Variants in TMEM47 observed in about 807,000 individuals in gnomAD.
TMEM47 encodes the protein transmembrane protein 47, also known as brain cell membrane protein 1.
Under a neutral mutation model 12.4 loss-of-function variants are expected in TMEM47, and 3 were observed. The ratio of observed to expected loss-of-function variants is 0.24; its 90% confidence interval spans 0.11 to 0.63. TMEM47 has a LOEUF of 0.63. Among genes scored for constraint, TMEM47 ranks in the 20% least tolerant of loss-of-function variants. The pLI is 0.86. For synonymous variants in TMEM47, 62 were observed against 63.3 expected (o/e 0.98, Z 0.10); for missense variants, 89 against 143.8 (o/e 0.62, Z 1.95).
rs965169843 is a variant in TMEM47 at position 34,657,082 on chromosome X, C to A, written c.-53G>T. ...CCGCAGGCGAGGACGCCAGGCGGGT[C>A]CGGAGAGCCGGGAGCCGGACCTCCC... On this transcript the variant is annotated 5_prime_UTR_variant, in exon 1 of 3. Transcript: ENST00000275954. 1.8e-6 allele frequency: 2 copies of A among 1,089,026 alleles called. No individual in the cohort carries two copies. Among genetic ancestry groups the A allele is most frequent in the African/African-American group, 3.8e-5 (2 of 52,476 alleles). 89.7% of individuals were successfully genotyped at this position (1,089,026 alleles called of 1,213,427 possible). A position where few individuals can be genotyped will look rare whatever the true frequency, so the allele number is the denominator to read the frequency against.
At chrX:34,649,794 C>T (rs1194780166) in intron 1 of TMEM47, among the ~76,000 whole-genome samples, 2 of 111,942 alleles carry the variant, frequency 1.8e-5, no homozygotes, top group Admixed American at 9.4e-5. Context: ...GGCACGATCT[C>T]GGCTCACTGC....
In TMEM47 at chrX:34,627,569, TTA is replaced by T. The variant is rs1258644490; in HGVS notation, c.*2742_*2743del. On this transcript the variant is annotated 3_prime_UTR_variant, in exon 3 of 3. Transcript: ENST00000275954. Reference sequence around the variant, plus strand: ...TTCAAACACATAAGTCTCTCTATATTTATGTCTTTAAAATTTACATGTTGAAC... The same window carrying T: ...TTCAAACACATAAGTCTCTCTATATTTGTCTTTAAAATTTACATGTTGAAC... The T allele has an allele frequency of 3.6e-5, 4 of 112,290 alleles. No individual in the cohort carries two copies. The highest frequency in any genetic ancestry group is 5.6e-5 in the Non-Finnish European group (3 of 53,141). 9.3% of individuals were successfully genotyped at this position (112,290 alleles called of 1,213,427 possible).
At chrX:34,656,656 G>A in intron 1 of TMEM47, 148 bp downstream of exon 1, 6 of 1,037,816 alleles carry the variant, frequency 5.8e-6, no homozygotes, top group Non-Finnish European at 6.3e-6. Context: ...GGTGGCGGGA[G>A]CCCCAGGATC....
At chrX:34,647,701 A>C (rs1402986782) in intron 1 of TMEM47, among the ~76,000 whole-genome samples, 1 of 112,189 alleles carries the variant, frequency 8.9e-6, no homozygotes, top group African/African-American at 3.2e-5. Context: ...TTGAAATGTC[A>C]GTGCCTTTAA....
At chrX:34,647,494 C>G (rs72626895) in intron 1 of TMEM47, among the ~76,000 whole-genome samples, 5,064 of 111,301 alleles carry the variant, frequency 0.045, 247 homozygotes, top group African/African-American at 0.15. Flanking sequence ...TTTTTTCTCA[C>G]TTCTTTGGAA....
intron 2 of TMEM47, among the ~76,000 whole-genome samples, chrX:34,633,979 G>A (rs1251272947): frequency 9.0e-6 from 1 of 111,043 alleles, no homozygotes; most frequent in East Asian, 2.8e-4. Context: ...ATATAATTCT[G>A]CATTTGTAAA....
chrX:34,657,271 C>G lies in TMEM47; in HGVS notation c.-242G>C, dbSNP rs1163920781. The G allele has an allele frequency of 5.9e-5, 17 of 286,551 alleles. No individual in the cohort carries two copies. Among genetic ancestry groups the G allele is most frequent in the Admixed American group, 5.3e-4 (7 of 13,097 alleles). The allele number at this position is 286,551 out of a possible 1,213,427, so 23.6% of individuals were successfully genotyped here. A position where few individuals can be genotyped will look rare whatever the true frequency, so the allele number is the denominator to read the frequency against. ...TCCACCCCGGACCTTCGCCGCCGGC[C>G]CCGCGCCGCGCTCTGCCAGCGCCCG... On this transcript the variant is annotated 5_prime_UTR_variant, in exon 1 of 3. Coordinates refer to ENST00000275954, the MANE Select transcript of TMEM47 (RefSeq NM_031442.4).
At chrX:34,633,903 C>T (rs1321274522) in intron 2 of TMEM47, among the ~76,000 whole-genome samples, 1 of 111,097 alleles carries the variant, frequency 9.0e-6, no homozygotes, top group East Asian at 2.8e-4. Flanking sequence ...CACTTCATGC[C>T]TCTGAATTAT....
At position 34,633,346 on chromosome X, in the gene TMEM47, G is replaced by C. The variant is rs774766372; in HGVS notation, c.368-2855C>G. Among the ~76,000 whole-genome samples, 206 of 111,454 alleles carry C rather than the reference G, an allele frequency of 1.8e-3. 1 individual carries two copies. Among genetic ancestry groups the C allele is most frequent in the Middle Eastern group, 9.3e-3 (2 of 215 alleles). ...ATTGAGCACAGATCTGAATGAATTG[G>C]GGGTGCAGAACAACATAGTGGGGAC... On this transcript the variant is annotated intron_variant, in intron 2 of 2. Coordinates refer to ENST00000275954, the MANE Select transcript of TMEM47 (RefSeq NM_031442.4).
Position 34,628,732 on chromosome X carries a change from G to A in TMEM47, c.*1581C>T, listed in dbSNP as rs1389139360. The A allele has an allele frequency of 3.6e-5, 4 of 111,358 alleles. No homozygotes were observed. Among genetic ancestry groups the A allele is most frequent in the South Asian group, 3.8e-4 (1 of 2,657 alleles). 9.2% of individuals were successfully genotyped at this position (111,358 alleles called of 1,213,427 possible). A position where few individuals can be genotyped will look rare whatever the true frequency, so the allele number is the denominator to read the frequency against. On this transcript the variant is annotated 3_prime_UTR_variant, in exon 3 of 3. Coordinates refer to ENST00000275954, the MANE Select transcript of TMEM47 (RefSeq NM_031442.4). ...ATTTTTCTAATGCTTCTTTCTGCAA[G>A]AGGGCCAAAACCAGAACATACTGTT...
At chrX:34,631,350 A>T (rs1921621419) in intron 2 of TMEM47, among the ~76,000 whole-genome samples, 1 of 110,119 alleles carries the variant, frequency 9.1e-6, no homozygotes, top group Admixed American at 9.8e-5. Flanking sequence ...TGCAATACTA[A>T]CTCAGCCCAA....
intron 1 of TMEM47, among the ~76,000 whole-genome samples, chrX:34,646,093 G>C (rs755945362): frequency 1.8e-5 from 2 of 111,282 alleles, no homozygotes; most frequent in South Asian, 7.4e-4. Context: ...TGTTAATTTT[G>C]CCAAATTTTG....
intron 2 of TMEM47, among the ~76,000 whole-genome samples, chrX:34,631,448 C>A (rs915748370): frequency 4.5e-5 from 5 of 111,327 alleles, no homozygotes; most frequent in African/African-American, 1.3e-4. Context: ...CCACTCTATG[C>A]CTCTTGTCTT....
chrX:34,644,963 A>G (rs1569164085), intron 1 of TMEM47, among the ~76,000 whole-genome samples: 1 of 112,027 alleles, frequency 8.9e-6, no homozygotes, highest in Non-Finnish European at 1.9e-5. Context: ...CAGACAACTT[A>G]GAACAATGAT....
At chrX:34,650,730 C>A (rs753297770) in intron 1 of TMEM47, among the ~76,000 whole-genome samples, 5 of 112,119 alleles carry the variant, frequency 4.5e-5, no homozygotes, top group Non-Finnish European at 9.4e-5. Context: ...TAGCAAATTA[C>A]ATTCCAGATT....
At chrX:34,649,802 T>G (rs1360905262) in intron 1 of TMEM47, among the ~76,000 whole-genome samples, 3 of 111,936 alleles carry the variant, frequency 2.7e-5, no homozygotes, top group African/African-American at 9.7e-5. Context: ...CTCGGCTCAC[T>G]GCAACCTCTG....
intron 1 of TMEM47, among the ~76,000 whole-genome samples, chrX:34,647,686 T>C (rs1249900238): frequency 8.9e-6 from 1 of 112,071 alleles, no homozygotes; most frequent in South Asian, 3.6e-4. Flanking sequence ...AAAAGATTAG[T>C]AAAATTGAAA....
At chrX:34,636,660 T>C (rs6628886) in intron 2 of TMEM47, among the ~76,000 whole-genome samples, 31,821 of 110,941 alleles carry the variant, frequency 0.29, 3,446 homozygotes, top group East Asian at 0.63. Context: ...AAAAGAAATA[T>C]GCTGTAGTCA....
intron 2 of TMEM47, among the ~76,000 whole-genome samples, chrX:34,632,358 G>C (rs1185964391): frequency 9.0e-6 from 1 of 111,385 alleles, no homozygotes; most frequent in Non-Finnish European, 1.9e-5. Context: ...AATTAAAATG[G>C]AATTTTATGT....
Sources: gnomAD v4.1 joint callset for allele counts (sites outside exome capture counted in the v4.1 genomes callset) on GRCh38, gnomAD v4.1.1 for gene constraint, MANE v1.5 for transcripts, NCBI Gene and HGNC (gene_info 2026-07-23, HGNC 2026-07-21) for gene names.